The following WDR37 variants were observed in gnomAD, a reference collection of about 807,000 sequenced individuals.
WDR37 encodes WD repeat-containing protein 37.
Under a neutral mutation model 62.9 loss-of-function variants are expected in WDR37, and 19 were observed. The ratio of observed to expected loss-of-function variants is 0.30; its 90% confidence interval spans 0.21 to 0.44. The LOEUF (loss-of-function observed/expected upper bound fraction) is 0.44. WDR37 is among the 20% of genes least tolerant of loss of function. WDR37 has a pLI of 1.00. For synonymous variants in WDR37, 250 were observed against 260.9 expected (o/e 0.96, Z 0.40); for missense variants, 474 against 657.6 (o/e 0.72, Z 3.05).
chr10:1,120,888 G>A (rs1455718934), intron 11 of WDR37, among the ~76,000 whole-genome samples: 1 of 152,256 alleles, frequency 6.6e-6, no homozygotes, highest in Non-Finnish European at 1.5e-5. Context: ...TCATCCTAAT[G>A]AGGATGCCAG....
intron 11 of WDR37, among the ~76,000 whole-genome samples, chr10:1,107,094 C>T (rs113324274): frequency 2.9e-4 from 44 of 152,332 alleles, no homozygotes; most frequent in African/African-American, 7.5e-4. Context: ...GTGCAGCAGG[C>T]GCTGAGCTGG....
At chr10:1,080,156 A>G (rs1367892191) in intron 4 of WDR37, 50 bp downstream of exon 4, 18 of 1,596,712 alleles carry the variant, frequency 1.1e-5, no homozygotes, top group Non-Finnish European at 1.5e-5. Context: ...ACATGCAGGA[A>G]ATTTGGAATT....
chr10:1,121,433 C>G lies in WDR37; in HGVS notation c.1104-2785C>G, dbSNP rs1183920831. On this transcript the variant is annotated intron_variant, in intron 11 of 13. Coordinates refer to ENST00000263150, the MANE Select transcript of WDR37 (RefSeq NM_014023.4). The surrounding 1 kb of genome is among the most constrained non-coding windows in gnomAD (Gnocchi z 4.5). ...CCTTCTCACTGAAGCGTGGCAGCGT[C>G]TGATTTATAGTCAAGCTCTCATGTT... 6.6e-6 allele frequency among the ~76,000 whole-genome samples: 1 copy of G among 152,156 alleles called. No homozygotes were observed. The highest frequency in any genetic ancestry group is 1.5e-5 in the Non-Finnish European group (1 of 68,040).
chr10:1,084,591 C>T, intron 6 of WDR37, 53 bp downstream of exon 6: 1 of 1,591,694 alleles, frequency 6.3e-7, no homozygotes, highest in Non-Finnish European at 8.6e-7. Flanking sequence ...GTGCTTAATC[C>T]CTGAGTGATG....
At chr10:1,071,538 CAT>C (rs1187850204) in intron 1 of WDR37, among the ~76,000 whole-genome samples, 4 of 152,132 alleles carry the variant, frequency 2.6e-5, no homozygotes, top group Non-Finnish European at 4.4e-5. Context: ...AACTTAATCA[CAT>C]GTGGTTAGTT....
At chr10:1,096,494 C>T in intron 9 of WDR37, 2 of 541,392 alleles carry the variant, frequency 3.7e-6, no homozygotes, top group Non-Finnish European at 6.6e-6. Flanking sequence ...ATCTCTCTGT[C>T]ACTCTCCGTG....
intron 1 of WDR37, among the ~76,000 whole-genome samples, chr10:1,068,053 A>G (rs1833606909): frequency 6.6e-6 from 1 of 151,980 alleles, no homozygotes; most frequent in Admixed American, 6.6e-5. Flanking sequence ...AAATAGATAG[A>G]TAATAGAGAC....
At chr10:1,064,970 A>G (rs1345660828) in intron 1 of WDR37, among the ~76,000 whole-genome samples, 3 of 152,254 alleles carry the variant, frequency 2.0e-5, no homozygotes, top group African/African-American at 7.2e-5. Context: ...CTGAAGGAAA[A>G]GGACTATCAA....
At chr10:1,126,098 A>G (rs888349458) in intron 13 of WDR37, among the ~76,000 whole-genome samples, 3 of 152,152 alleles carry the variant, frequency 2.0e-5, no homozygotes, top group East Asian at 1.9e-4. Context: ...GTCAGCTGCG[A>G]TGCACAGAAA....
chr10:1,107,186 G>A (rs754226955), intron 11 of WDR37, among the ~76,000 whole-genome samples: 13 of 152,240 alleles, frequency 8.5e-5, no homozygotes, highest in African/African-American at 2.7e-4. Context: ...CTCGGGGAGC[G>A]CTGCTTCCCA....
intron 2 of WDR37, chr10:1,074,400 G>A: frequency 7.7e-7 from 1 of 1,301,656 alleles, no homozygotes; most frequent in Non-Finnish European, 1.0e-6. Flanking sequence ...AAGCCGCACG[G>A]CCTCGTCCTC....
intron 13 of WDR37, among the ~76,000 whole-genome samples, chr10:1,126,329 C>A (rs1324411490): frequency 6.6e-6 from 1 of 151,058 alleles, no homozygotes; most frequent in African/African-American, 2.4e-5. Flanking sequence ...TGGCGTGAAC[C>A]CAGGAGGCGG....
intron 1 of WDR37, among the ~76,000 whole-genome samples, chr10:1,063,684 G>A (rs758746219): frequency 2.6e-5 from 4 of 152,280 alleles, no homozygotes; most frequent in South Asian, 4.1e-4. Flanking sequence ...CTGCCCTGTG[G>A]TCATGAGGCC....
chr10:1,120,913 C>T (rs570116112), intron 11 of WDR37, among the ~76,000 whole-genome samples: 101 of 152,380 alleles, frequency 6.6e-4, no homozygotes, highest in African/African-American at 1.9e-3. Flanking sequence ...GCGGCGTTTC[C>T]GCTGATGGAG....
intron 2 of WDR37, among the ~76,000 whole-genome samples, chr10:1,075,398 A>ATGT (rs2131619216): frequency 6.6e-6 from 1 of 152,034 alleles, no homozygotes; most frequent in South Asian, 2.1e-4. Flanking sequence ...TGTCACCTAC[A>ATGT]TAAGGCATTT....
intron 13 of WDR37, among the ~76,000 whole-genome samples, chr10:1,127,781 C>T (rs1835845291): frequency 6.6e-6 from 1 of 151,936 alleles, no homozygotes; most frequent in Non-Finnish European, 1.5e-5. Flanking sequence ...TGCTGAGCGT[C>T]CTGGAGCACA....
chr10:1,082,025 C>T (rs1834043509), intron 5 of WDR37, among the ~76,000 whole-genome samples: 2 of 152,136 alleles, frequency 1.3e-5, no homozygotes, highest in African/African-American at 4.8e-5. Flanking sequence ...AGAAATTCAT[C>T]TGAATTTATA....
chr10:1,059,537 G>A (rs900342622), intron 1 of WDR37, among the ~76,000 whole-genome samples: 10 of 152,092 alleles, frequency 6.6e-5, no homozygotes, highest in Non-Finnish European at 1.2e-4. Flanking sequence ...AGTGGCTCAT[G>A]CCTGTAATCC....
rs183045402 is a variant in WDR37 at position 1,120,104 on chromosome 10, C to T, written c.1104-4114C>T. Among the ~76,000 whole-genome samples the T allele has an allele frequency of 7.8e-4, 119 of 152,308 alleles. No individual in the cohort carries two copies. The East Asian group carries it at 8.7e-3, about 11-fold the overall frequency. On this transcript the variant is annotated intron_variant, in intron 11 of 13. Coordinates refer to ENST00000263150, the MANE Select transcript of WDR37 (RefSeq NM_014023.4). ...GTGTCTTATTTGAATGTGACTTCTCCGTTTCTTGGTCAGTCCTCTGAGTTC... is the reference window on the plus strand; with the variant it reads ...GTGTCTTATTTGAATGTGACTTCTCTGTTTCTTGGTCAGTCCTCTGAGTTC...
Sources: gnomAD v4.1 joint callset for allele counts (sites outside exome capture counted in the v4.1 genomes callset) on GRCh38, gnomAD v4.1.1 for gene constraint, Gnocchi (gnomAD v3.1) non-coding constraint, MANE v1.5 for transcripts, NCBI Gene and HGNC (gene_info 2026-07-23, HGNC 2026-07-21) for gene names.